Variants in LAMA4 observed in about 807,000 individuals in gnomAD.
LAMA4 encodes the protein laminin subunit alpha-4.
In LAMA4, 127 loss-of-function variants were observed where a neutral mutation model predicts 207.1. That is an observed-to-expected ratio of 0.61 (90% CI 0.53 to 0.71). The LOEUF is 0.71. Ranked by LOEUF, LAMA4 falls within the 30% of genes least tolerant of loss-of-function variation. LAMA4 has a pLI of 0.00. For missense variants in LAMA4, 2,093 were observed against 2,246.5 expected, an observed-to-expected ratio of 0.93 and a Z score of 1.38; for synonymous variants, 761 against 816.0, an observed-to-expected ratio of 0.93 and a Z score of 1.15.
chr6:112,240,075 C>T (rs1436858021), intron 2 of LAMA4, among the ~76,000 whole-genome samples: 8 of 152,176 alleles, frequency 5.3e-5, no homozygotes, highest in African/African-American at 1.9e-4. Flanking sequence ...AAAAAAAAGT[C>T]TGACTTTTGA....
chr6:112,191,044 G>A (rs1310989456), intron 6 of LAMA4, among the ~76,000 whole-genome samples: 3 of 150,094 alleles, frequency 2.0e-5, no homozygotes, highest in African/African-American at 2.5e-5. Flanking sequence ...CACACAGGCT[G>A]GAGTGCGGTG....
rs547783200 is a variant in LAMA4, at chr6:112,153,639, A to G, written c.2056+1212T>C. ...AATAAAATATTTAAGTCACTGTGTC[A>G]TGAAGACTGACACATTCTGATCTTC... On this transcript the variant is annotated intron_variant, in intron 16 of 38. Transcript: ENST00000230538. 4.6e-5 allele frequency among the ~76,000 whole-genome samples: 7 copies of G among 152,268 alleles called. No individual in the cohort carries two copies. In the South Asian group the frequency reaches 1.4e-3, roughly 32 times the overall value.
At chr6:112,116,102 A>AT (rs1554323745) in intron 35 of LAMA4, 109 bp from the exon 36 acceptor site, 2 of 1,104,022 alleles carry the variant, frequency 1.8e-6, no homozygotes, top group Non-Finnish European at 2.6e-6. Flanking sequence ...AGTTTGATGC[A>AT]TTTTTTAACA....
intron 4 of LAMA4, among the ~76,000 whole-genome samples, chr6:112,202,697 G>A (rs1462139847): frequency 2.0e-5 from 3 of 152,222 alleles, no homozygotes; most frequent in Admixed American, 1.3e-4. Context: ...TTCGCAAACA[G>A]TTGGGTAAAA....
chr6:112,193,421 T>G (rs1783233311), intron 5 of LAMA4, among the ~76,000 whole-genome samples: 1 of 151,698 alleles, frequency 6.6e-6, no homozygotes, highest in African/African-American at 2.4e-5. Context: ...TTTTAAAGGA[T>G]TCCCTTTAAA....
At chr6:112,132,545 G>A (rs560819045) in intron 28 of LAMA4, among the ~76,000 whole-genome samples, 118 of 152,300 alleles carry the variant, frequency 7.7e-4, no homozygotes, top group African/African-American at 2.7e-3. Context: ...ACCCTTGGGG[G>A]TGGGTCTATG....
At chr6:112,135,198 C>G (rs1554331192) in intron 25 of LAMA4, among the ~76,000 whole-genome samples, 2 of 152,154 alleles carry the variant, frequency 1.3e-5, no homozygotes, top group Non-Finnish European at 2.9e-5. Context: ...ACTATAGGCT[C>G]CATGCTGTAC....
At chr6:112,124,043 C>G (rs1554326821) in intron 31 of LAMA4, among the ~76,000 whole-genome samples, 1 of 152,166 alleles carries the variant, frequency 6.6e-6, no homozygotes, top group Admixed American at 6.5e-5. Context: ...TCCCCAAATA[C>G]ATGCTCTATT....
At chr6:112,115,042 A>G (rs886124694) in intron 36 of LAMA4, among the ~76,000 whole-genome samples, 1 of 152,180 alleles carries the variant, frequency 6.6e-6, no homozygotes, top group Non-Finnish European at 1.5e-5. Flanking sequence ...TGTGTTATAC[A>G]AAGCAGGTTG....
At chr6:112,121,775 G>T in intron 32 of LAMA4, 1 of 438,962 alleles carries the variant, frequency 2.3e-6, no homozygotes. Context: ...TTTTCTTTTT[G>T]ATCAAATACA....
intron 8 of LAMA4, chr6:112,186,692 C>A: frequency 2.3e-6 from 1 of 431,096 alleles, no homozygotes; most frequent in Admixed American, 2.6e-5. Context: ...AATACTAACA[C>A]AATGTCAATG....
At chr6:112,253,888 G>A in intron 2 of LAMA4, 68 bp downstream of exon 2, 1 of 1,614,052 alleles carries the variant, frequency 6.2e-7, no homozygotes, top group Non-Finnish European at 8.5e-7. Context: ...GAGAGAGAAG[G>A]ACGAGTGTGG....
At chr6:112,124,471 C>T (rs1343803146) in intron 31 of LAMA4, among the ~76,000 whole-genome samples, 2 of 152,214 alleles carry the variant, frequency 1.3e-5, no homozygotes, top group Non-Finnish European at 2.9e-5. Context: ...CATTCACACT[C>T]TTAGTAATGA....
At position 112,114,693 on chromosome 6, in the gene LAMA4, G is replaced by T; in HGVS notation, c.5176C>A (p.Leu1726Ile). Residue 1726 changes from leucine (L) to isoleucine (I), a missense_variant, in exon 37 of 39, where the codon CTC becomes ATC. Around this residue, in one of 3 missense-constraint regions of LAMA4, gnomAD observed 383 missense variants for 437.8 expected, o/e 0.87. Transcript: ENST00000230538. ...FSTSVTPKQS[L>I]CDGRWHRITV... Reference sequence around the variant, plus strand: ...ATTCTGTGCCATCTGCCATCACAGAGACTCTGCTTGGGTGTAACTGAGGTG... The same window carrying T: ...ATTCTGTGCCATCTGCCATCACAGATACTCTGCTTGGGTGTAACTGAGGTG... 6.2e-7 allele frequency: 1 copy of T among 1,613,142 alleles called. No individual in the cohort carries two copies. Among genetic ancestry groups the T allele is most frequent in the Non-Finnish European group, 8.5e-7 (1 of 1,179,232 alleles).
intron 12 of LAMA4, chr6:112,172,253 A>C: frequency 4.1e-6 from 1 of 245,060 alleles, no homozygotes; most frequent in Non-Finnish European, 8.1e-6. Flanking sequence ...CCTTTCCAAA[A>C]ATTATGCATA....
At chr6:112,207,714 GT>G (rs149448544) in intron 3 of LAMA4, among the ~76,000 whole-genome samples, 12 of 149,198 alleles carry the variant, frequency 8.0e-5, no homozygotes, top group South Asian at 4.3e-4. Context: ...CAGTAAGGAG[GT>G]TTTTTTTTTG....
chr6:112,188,900 T>C, intron 7 of LAMA4: 7 of 567,770 alleles, frequency 1.2e-5, no homozygotes, highest in Non-Finnish European at 3.2e-6. Context: ...AATAGAGCTA[T>C]GCAAATGTAA....
At chr6:112,253,904 C>T (rs782397650) in intron 2 of LAMA4, 52 bp downstream of exon 2, 3 of 1,613,470 alleles carry the variant, frequency 1.9e-6, no homozygotes, top group Non-Finnish European at 8.5e-7. Flanking sequence ...TGTGGCACAG[C>T]CCGCGGGGGC....
At chr6:112,158,540 ACAACCAACCAAC>A (rs3833961) in intron 14 of LAMA4, among the ~76,000 whole-genome samples, 180 bp downstream of exon 14, 2 of 151,368 alleles carry the variant, frequency 1.3e-5, no homozygotes, top group African/African-American at 2.4e-5. Flanking sequence ...CTCAGATGGA[ACAACCAACCAAC>A]CAACCAACCA....
Sources: allele counts gnomAD v4.1 joint callset (sites outside exome capture counted in the v4.1 genomes callset), GRCh38; gene constraint gnomAD v4.1.1; regional missense constraint gnomAD v4.1.1; transcripts MANE v1.5; gene names NCBI Gene and HGNC (gene_info 2026-07-23, HGNC 2026-07-21).